Variants in PDE4D observed in about 807,000 individuals in gnomAD.
PDE4D encodes phosphodiesterase 4D.
A neutral mutation model predicts 87.4 loss-of-function variants in PDE4D; 24 were observed. The ratio of observed to expected loss-of-function variants is 0.27; its 90% confidence interval spans 0.20 to 0.39. PDE4D has a LOEUF of 0.39. Ranked by LOEUF, PDE4D falls within the 10% of genes least tolerant of loss-of-function variation. The pLI is 1.00. For synonymous variants in PDE4D, 384 were observed against 383.2 expected (o/e 1.00, Z -0.02); for missense variants, 714 against 1,041.0 (o/e 0.69, Z 4.32).
chr5:59,472,248 A>G (rs754308134), intron 1 of PDE4D, among the ~76,000 whole-genome samples: 3 of 152,210 alleles, frequency 2.0e-5, no homozygotes, highest in Admixed American at 6.5e-5. Flanking sequence ...TCCAATGACA[A>G]TCTTATTTGA....
chr5:59,311,465 C>A (rs1246775993), intron 1 of PDE4D, among the ~76,000 whole-genome samples: 4 of 130,228 alleles, frequency 3.1e-5, no homozygotes, highest in Non-Finnish European at 6.2e-5. Context: ...TGCACCACTG[C>A]ACTCCAGCTG....
At chr5:59,451,941 T>C (rs905985404) in intron 1 of PDE4D, among the ~76,000 whole-genome samples, 1 of 152,230 alleles carries the variant, frequency 6.6e-6, no homozygotes, top group African/African-American at 2.4e-5. Context: ...AAAATATGCC[T>C]CATTTTCCTT....
chr5:60,424,857 G>A (rs1249512317), intron 1 of PDE4D, among the ~76,000 whole-genome samples: 1 of 152,162 alleles, frequency 6.6e-6, no homozygotes. Flanking sequence ...AAATCAATGT[G>A]CAAAAATCAC....
chr5:59,131,706 C>CA (rs34457252), intron 5 of PDE4D, among the ~76,000 whole-genome samples: 25,044 of 150,272 alleles, frequency 0.17, 2,203 homozygotes, highest in African/African-American at 0.19. Context: ...CCTTGTTTTG[C>CA]ATATTAAAAG....
chr5:59,765,018 C>T (rs1419835053), intron 1 of PDE4D, among the ~76,000 whole-genome samples: 1 of 152,070 alleles, frequency 6.6e-6, no homozygotes, highest in African/African-American at 2.4e-5. Flanking sequence ...ATTTGTTTAG[C>T]AGACATTTAT....
chr5:59,997,294 G>GTCT (rs1452714360), intron 2 of PDE4D, among the ~76,000 whole-genome samples: 4 of 152,052 alleles, frequency 2.6e-5, no homozygotes, highest in Admixed American at 6.5e-5. Context: ...TAAAAATTAT[G>GTCT]TCTTACAGTA....
At chr5:59,988,206 A>C in intron 3 of PDE4D, 2 of 306,160 alleles carry the variant, frequency 6.5e-6, no homozygotes. Flanking sequence ...CAAGTCACAT[A>C]TGGCCAATAT....
intron 1 of PDE4D, among the ~76,000 whole-genome samples, chr5:59,270,070 C>T (rs1020564046): frequency 8.6e-5 from 13 of 152,030 alleles, no homozygotes; most frequent in African/African-American, 3.1e-4. Flanking sequence ...TATCTGTGAT[C>T]CACTCTGTGT....
At chr5:59,701,767 C>CA (rs1489995257) in intron 1 of PDE4D, among the ~76,000 whole-genome samples, 1 of 152,210 alleles carries the variant, frequency 6.6e-6, no homozygotes, top group Admixed American at 6.5e-5. Context: ...ATCTTCTTCA[C>CA]AACTTCTCAA....
chr5:59,384,838 T>C (rs1786658679), intron 1 of PDE4D, among the ~76,000 whole-genome samples: 2 of 152,034 alleles, frequency 1.3e-5, no homozygotes, highest in African/African-American at 4.8e-5. Context: ...AACATTTAAT[T>C]ATCTTATACT....
intron 1 of PDE4D, chr5:59,275,957 G>C (rs1335190786): frequency 1.0e-6 from 1 of 985,062 alleles, no homozygotes; most frequent in Admixed American, 6.2e-5. Flanking sequence ...CTTTGGCTGG[G>C]TGGGCTGATT....
At chr5:58,993,945 A>T (rs1748554389) in intron 6 of PDE4D, among the ~76,000 whole-genome samples, 1 of 152,148 alleles carries the variant, frequency 6.6e-6, no homozygotes, top group Admixed American at 6.6e-5. Context: ...AAAACATGGA[A>T]TGCTTTCTTC....
chr5:60,328,940 G>A (rs927468362), intron 1 of PDE4D, among the ~76,000 whole-genome samples: 4 of 152,146 alleles, frequency 2.6e-5, no homozygotes, highest in South Asian at 2.1e-4. Flanking sequence ...TCACAACTAA[G>A]AGAATTCTGT....
At chr5:60,337,388 T>TATATATATATATATATATAC (rs66871903) in intron 1 of PDE4D, among the ~76,000 whole-genome samples, 1 of 89,478 alleles carries the variant, frequency 1.1e-5, no homozygotes, top group African/African-American at 4.3e-5. Flanking sequence ...TATATATATA[T>TATATATATATATATATATAC]ACACACACAC....
chr5:58,975,662 A>AT lies in PDE4D; in HGVS notation c.2007dup (p.Ser670IlefsTer24), dbSNP rs1320214533. On this transcript the variant is annotated frameshift_variant, in exon 14 of 15. Transcript: ENST00000340635. LOFTEE classifies it high-confidence loss of function. The surrounding 1 kb of genome is among the most constrained non-coding windows in gnomAD (Gnocchi z 4.2). ...CTATACACTTCATGCATTACCTGTGATTTTTCCACGGAAGCATTGTGCTTG... is the reference window on the plus strand; with the variant it reads ...CTATACACTTCATGCATTACCTGTGATTTTTTCCACGGAAGCATTGTGCTTG... 6.3e-7 allele frequency: 1 copy of AT among 1,592,166 alleles called. No homozygotes were observed. Among genetic ancestry groups the AT allele is most frequent in the Non-Finnish European group, 8.6e-7 (1 of 1,168,680 alleles).
At chr5:59,425,862 T>C (rs1440556572) in intron 1 of PDE4D, among the ~76,000 whole-genome samples, 1 of 152,172 alleles carries the variant, frequency 6.6e-6, no homozygotes, top group Non-Finnish European at 1.5e-5. Flanking sequence ...TAGTAAATCA[T>C]TTCATGAGCA....
intron 6 of PDE4D, among the ~76,000 whole-genome samples, chr5:59,015,212 G>T (rs1303902267): frequency 6.6e-6 from 1 of 152,100 alleles, no homozygotes; most frequent in African/African-American, 2.4e-5. Flanking sequence ...CATAGGCATG[G>T]GCAAGGACTT....
Position 60,516,671 on chromosome 5 carries a change from A to G in PDE4D, n.70+5380T>C, listed in dbSNP as rs925626388. On this transcript the variant is annotated intron_variant and non_coding_transcript_variant, in intron 1 of 2. Transcript: ENST00000506510. ...AAATTATAGCAAAAATGATACCAAC[A>G]ATAATGAGAATTAATATTTATTGAG... Among the ~76,000 whole-genome samples the G allele has an allele frequency of 3.9e-5, 6 of 152,228 alleles. No homozygotes were observed. In the East Asian group the frequency reaches 7.7e-4, roughly 20 times the overall value.
At chr5:59,792,402 C>CTCTGTGTGTGTGTGTGTGTGTGTG (rs376998746) in intron 1 of PDE4D, among the ~76,000 whole-genome samples, 1 of 138,776 alleles carries the variant, frequency 7.2e-6, no homozygotes, top group African/African-American at 2.8e-5. Flanking sequence ...CTCCAAGAAG[C>CTCTGTGTGTGTGTGTGTGTGTGTG]TGTGTGTGTG....
Sources: allele counts gnomAD v4.1 joint callset (sites outside exome capture counted in the v4.1 genomes callset), GRCh38; gene constraint gnomAD v4.1.1; non-coding constraint Gnocchi (gnomAD v3.1); transcripts MANE v1.5; gene names NCBI Gene and HGNC (gene_info 2026-07-23, HGNC 2026-07-21).